NAALADL2: variants seen among roughly 807,000 people sequenced by gnomAD.
NAALADL2 encodes the protein inactive N-acetylated-alpha-linked acidic dipeptidase-like protein 2.
A neutral mutation model predicts 87.2 loss-of-function variants in NAALADL2; 76 were observed. The observed-to-expected ratio is 0.87, with a 90% confidence interval of 0.72 to 1.05. The LOEUF (loss-of-function observed/expected upper bound fraction) is 1.05. Ranked by LOEUF, NAALADL2 falls within the 50% of genes least tolerant of loss-of-function variation. The pLI is 0.00. For missense variants in NAALADL2, 1,089 were observed against 945.8 expected, an observed-to-expected ratio of 1.15 and a Z score of -1.99; for synonymous variants, 354 against 331.0, an observed-to-expected ratio of 1.07 and a Z score of -0.75.
intron 10 of NAALADL2, among the ~76,000 whole-genome samples, chr3:175,577,090 G>A (rs1278433609): frequency 6.6e-6 from 1 of 152,100 alleles, no homozygotes; most frequent in Admixed American, 6.5e-5. Flanking sequence ...TACTTATTAT[G>A]TGTCTAATTC....
At chr3:174,908,270 C>T (rs1434804676) in intron 1 of NAALADL2, among the ~76,000 whole-genome samples, 1 of 151,952 alleles carries the variant, frequency 6.6e-6, no homozygotes, top group Non-Finnish European at 1.5e-5. Flanking sequence ...TAAATTTCAC[C>T]ATGTCTTCAC....
intron 1 of NAALADL2, among the ~76,000 whole-genome samples, chr3:175,094,402 T>G (rs1720742397): frequency 6.6e-6 from 1 of 152,082 alleles, no homozygotes; most frequent in Admixed American, 6.6e-5. Flanking sequence ...TTCTACTTTC[T>G]TCAGACTTTT....
intron 2 of NAALADL2, among the ~76,000 whole-genome samples, chr3:175,175,636 A>G (rs1232841452): frequency 6.6e-6 from 1 of 152,076 alleles, no homozygotes; most frequent in East Asian, 1.9e-4. Flanking sequence ...TGCTGTTTCA[A>G]CAGTTAATTA....
chr3:175,082,946 G>A (rs769533131), intron 1 of NAALADL2, among the ~76,000 whole-genome samples: 40 of 152,280 alleles, frequency 2.6e-4, no homozygotes, highest in Non-Finnish European at 7.4e-5. Flanking sequence ...AATGTATTAT[G>A]TACAGGAGGA....
At chr3:175,691,255 T>C (rs1047317816) in intron 11 of NAALADL2, among the ~76,000 whole-genome samples, 1 of 150,594 alleles carries the variant, frequency 6.6e-6, no homozygotes, top group East Asian at 1.9e-4. Context: ...TACACACAGA[T>C]AATATATATA....
chr3:175,347,071 C>CTCAA (rs140135880), intron 5 of NAALADL2, among the ~76,000 whole-genome samples: 5,702 of 152,208 alleles, frequency 0.037, 233 homozygotes, highest in African/African-American at 0.1. Context: ...GCTCATGACT[C>CTCAA]TCAAGCCTGT....
At chr3:175,765,884 C>T (rs1015782346) in intron 13 of NAALADL2, among the ~76,000 whole-genome samples, 2 of 151,938 alleles carry the variant, frequency 1.3e-5, no homozygotes, top group Admixed American at 6.6e-5. Context: ...ATAAGAAAAC[C>T]GAGGCTTAGG....
intron 2 of NAALADL2, among the ~76,000 whole-genome samples, chr3:174,565,981 T>A (rs958212504): frequency 1.3e-5 from 2 of 152,018 alleles, no homozygotes; most frequent in African/African-American, 4.8e-5. Flanking sequence ...CTATATGCCC[T>A]ACTTTTTTGT....
At chr3:174,792,818 G>A (rs973181141) in intron 3 of NAALADL2, among the ~76,000 whole-genome samples, 6 of 152,120 alleles carry the variant, frequency 3.9e-5, no homozygotes, top group Non-Finnish European at 7.4e-5. Flanking sequence ...CTTCTAAGGA[G>A]TAGTAGCAAG....
At chr3:174,909,966 T>C (rs1322831804) in intron 1 of NAALADL2, among the ~76,000 whole-genome samples, 2 of 152,098 alleles carry the variant, frequency 1.3e-5, no homozygotes, top group African/African-American at 4.8e-5. Flanking sequence ...ATTTTCTGCC[T>C]TCAAGTGTCA....
chr3:174,871,379 A>G (rs1382728539), intron 1 of NAALADL2, among the ~76,000 whole-genome samples: 1 of 152,250 alleles, frequency 6.6e-6, no homozygotes, highest in Admixed American at 6.5e-5. Context: ...CATTTTAATT[A>G]TGCTATAAAC....
At chr3:175,685,882 T>C (rs1157794567) in intron 11 of NAALADL2, among the ~76,000 whole-genome samples, 1 of 152,200 alleles carries the variant, frequency 6.6e-6, no homozygotes. Context: ...GGAAAGGCAA[T>C]CTGCTTTATT....
At chr3:174,731,311 A>G (rs577077015) in intron 2 of NAALADL2, among the ~76,000 whole-genome samples, 16 of 152,156 alleles carry the variant, frequency 1.1e-4, no homozygotes, top group African/African-American at 3.9e-4. Context: ...TGATATTTCA[A>G]TCTATTTTTG....
chr3:174,719,838 G>T (rs545700292), intron 2 of NAALADL2, among the ~76,000 whole-genome samples: 4 of 152,258 alleles, frequency 2.6e-5, no homozygotes, highest in African/African-American at 7.2e-5. Flanking sequence ...TCTGTTGCCA[G>T]CCTGGAGTGG....
intron 11 of NAALADL2, chr3:175,675,401 C>A (rs1734631780): frequency 6.6e-6 from 1 of 152,192 alleles, no homozygotes; most frequent in African/African-American, 2.4e-5. Flanking sequence ...TTCATGCCTC[C>A]TCTACTTCTG....
intron 9 of NAALADL2, among the ~76,000 whole-genome samples, chr3:175,527,350 A>G (rs1733556684): frequency 6.6e-6 from 1 of 152,196 alleles, no homozygotes; most frequent in Non-Finnish European, 1.5e-5. Context: ...ATCTAGGTTA[A>G]TGATGGACTG....
chr3:174,923,689 A>G (rs1735566434), intron 1 of NAALADL2, among the ~76,000 whole-genome samples: 1 of 152,150 alleles, frequency 6.6e-6, no homozygotes, highest in Non-Finnish European at 1.5e-5. Context: ...TCCTGTTCTC[A>G]GGTAAAGAGA....
At chr3:175,409,880 C>A (rs1478073063) in intron 5 of NAALADL2, among the ~76,000 whole-genome samples, 1 of 151,872 alleles carries the variant, frequency 6.6e-6, no homozygotes. Flanking sequence ...AGTAAAATCA[C>A]AAAGTCCAAA....
chr3:174,506,934 A>G (rs949846820), intron 1 of NAALADL2, among the ~76,000 whole-genome samples: 2 of 151,958 alleles, frequency 1.3e-5, no homozygotes, highest in African/African-American at 4.8e-5. Flanking sequence ...TATTAAGGAT[A>G]TTAATAATTT....
Sources: gnomAD v4.1 joint callset for allele counts (sites outside exome capture counted in the v4.1 genomes callset) on GRCh38, gnomAD v4.1.1 for gene constraint, MANE v1.5 for transcripts, NCBI Gene and HGNC (gene_info 2026-07-23, HGNC 2026-07-21) for gene names.